The following METTL21A variants were observed in gnomAD, a reference collection of about 807,000 sequenced individuals.
METTL21A encodes protein N-lysine methyltransferase METTL21A.
METTL21A carries 22 observed loss-of-function variants against 20.9 expected under a neutral mutation model. That is an observed-to-expected ratio of 1.05 (90% confidence interval 0.75 to 1.50). The LOEUF (loss-of-function observed/expected upper bound fraction) is 1.50, where lower values mean the gene tolerates loss of function less well. Ranked by LOEUF, METTL21A falls within the 40% of genes most tolerant of loss-of-function variation. METTL21A has a pLI of 0.00. For synonymous variants in METTL21A, 93 were observed against 102.0 expected (o/e 0.91, Z 0.53); for missense variants, 271 against 266.8 (o/e 1.02, Z -0.11).
At chr2:207,622,911 C>CTT (rs769382433) in intron 2 of METTL21A, among the ~76,000 whole-genome samples, 7 of 144,616 alleles carry the variant, frequency 4.8e-5, no homozygotes, top group East Asian at 2.0e-4. Context: ...TATTATTTAT[C>CTT]TTTTTTTTTT....
At chr2:207,585,614 A>C (rs1014621421) in intron 3 of METTL21A, among the ~76,000 whole-genome samples, 1 of 152,234 alleles carries the variant, frequency 6.6e-6, no homozygotes, top group Non-Finnish European at 1.5e-5. Flanking sequence ...CTGAAAAGGA[A>C]TTGAAAATAA....
chr2:207,617,249 C>T (rs895907422), intron 3 of METTL21A, among the ~76,000 whole-genome samples: 9 of 152,282 alleles, frequency 5.9e-5, no homozygotes, highest in African/African-American at 2.2e-4. Context: ...TTACCCACAG[C>T]TCAAAAGTCT....
intron 3 of METTL21A, chr2:207,599,566 G>A (rs2086702986): frequency 1.0e-5 from 2 of 197,520 alleles, no homozygotes; most frequent in Admixed American, 1.2e-4. Flanking sequence ...TGATTGCACT[G>A]GTTTTGAAGT....
chr2:207,597,490 A>G (rs997074444), intron 3 of METTL21A: 2 of 222,586 alleles, frequency 9.0e-6, no homozygotes, highest in Non-Finnish European at 1.8e-5. Context: ...TAAAGTAAGT[A>G]AGGTGCAATG....
chr2:207,596,606 G>C (rs1179074297), intron 3 of METTL21A, among the ~76,000 whole-genome samples: 2 of 152,098 alleles, frequency 1.3e-5, no homozygotes, highest in Non-Finnish European at 2.9e-5. Flanking sequence ...GCTAATTTTT[G>C]TGTTTATAGT....
chr2:207,607,964 GCGCT>G (rs139109908), downstream of METTL21A, among the ~76,000 whole-genome samples: 23 of 152,066 alleles, frequency 1.5e-4, no homozygotes, highest in East Asian at 4.5e-3. Context: ...CCAGATACGC[GCGCT>G]CGCTCTCCTC....
chr2:207,621,943 G>A (rs1442777541), intron 2 of METTL21A, 26 bp from the exon 3 acceptor site: 9 of 1,594,722 alleles, frequency 5.6e-6, no homozygotes, highest in South Asian at 1.1e-5. Context: ...GTGTGATGAC[G>A]ATTAAGGTCA....
chr2:207,624,379 G>A, exon 2 of METTL21A: 2 of 1,611,768 alleles, frequency 1.2e-6, no homozygotes, highest in East Asian at 2.2e-5. Context: ...GGGCCATTCC[G>A]CCTGCACCCC....
downstream of METTL21A, among the ~76,000 whole-genome samples, chr2:207,606,414 G>A (rs964182760): frequency 5.3e-4 from 81 of 152,186 alleles, no homozygotes; most frequent in African/African-American, 1.6e-3. Flanking sequence ...CCCAGGAGGC[G>A]GAGGTTGCAG....
intron 3 of METTL21A, among the ~76,000 whole-genome samples, chr2:207,582,580 T>C (rs2083109174): frequency 6.6e-6 from 1 of 152,232 alleles, no homozygotes; most frequent in Non-Finnish European, 1.5e-5. Context: ...TTTTTCTTTT[T>C]AAGCACATCT....
chr2:207,607,940 C>T (rs1044395615), downstream of METTL21A, among the ~76,000 whole-genome samples: 1 of 152,098 alleles, frequency 6.6e-6, no homozygotes, highest in African/African-American at 2.4e-5. Flanking sequence ...GTAGTGGACA[C>T]TGTGGTGTGC....
chr2:207,603,646 A>G (rs2087522020), intron 3 of METTL21A, among the ~76,000 whole-genome samples: 1 of 152,150 alleles, frequency 6.6e-6, no homozygotes, highest in South Asian at 2.1e-4. Context: ...AACAGTGCCT[A>G]TTTGTGGATT....
chr2:207,624,531 CT>C lies in METTL21A; in HGVS notation c.-29-128del, dbSNP rs900212363. ...AAAAAAAGAAACAGGTGGAGGAAGC[CT>C]TTGTCCAATTTCTTTTGCATGGCTC... On this transcript the variant is annotated intron_variant, in intron 1 of 3. Transcript: ENST00000406927. 5.2e-5 allele frequency: 44 copies of C among 838,304 alleles called. 1 individual carries two copies. The highest frequency in any genetic ancestry group is 7.2e-5 in the Non-Finnish European group (42 of 586,154). 51.9% of individuals were successfully genotyped at this position (838,304 alleles called of 1,614,324 possible).
At chr2:207,594,641 C>G (rs2085758056) in intron 3 of METTL21A, among the ~76,000 whole-genome samples, 2 of 152,156 alleles carry the variant, frequency 1.3e-5, no homozygotes, top group African/African-American at 4.8e-5. Flanking sequence ...TGGGCTGCTT[C>G]CACCTCTTGG....
chr2:207,613,052 GTCC>G (rs760003051), exon 4 of METTL21A: 9 of 1,553,886 alleles, frequency 5.8e-6, no homozygotes, highest in Non-Finnish European at 7.8e-6. Flanking sequence ...CCAATTATAA[GTCC>G]TCCTTCTGGT....
chr2:207,596,790 C>T (rs1298870164), intron 3 of METTL21A: 11 of 1,116,068 alleles, frequency 9.9e-6, no homozygotes, highest in Non-Finnish European at 1.0e-5. Context: ...TTTTCCAATG[C>T]TTAATATATA....
downstream of METTL21A, among the ~76,000 whole-genome samples, chr2:207,607,753 T>A (rs1003922606): frequency 2.1e-5 from 3 of 145,198 alleles, no homozygotes; most frequent in Admixed American, 1.4e-4. Flanking sequence ...GTGATACCAC[T>A]GGATTATTTA....
chr2:207,606,827 T>TA (rs567645186), downstream of METTL21A, among the ~76,000 whole-genome samples: 39 of 152,318 alleles, frequency 2.6e-4, no homozygotes, highest in East Asian at 7.3e-3. Context: ...TGTTCATTTT[T>TA]AAAGAATTGG....
At chr2:207,619,346 T>A (rs949049196) in intron 3 of METTL21A, among the ~76,000 whole-genome samples, 7 of 152,108 alleles carry the variant, frequency 4.6e-5, no homozygotes, top group Non-Finnish European at 7.4e-5. Context: ...AAAAAGAGAA[T>A]ATACTTTAAA....
Sources: allele counts gnomAD v4.1 joint callset (sites outside exome capture counted in the v4.1 genomes callset), GRCh38; gene constraint gnomAD v4.1.1; transcripts MANE v1.5; gene names NCBI Gene and HGNC (gene_info 2026-07-23, HGNC 2026-07-21).